The following TMEM131 variants were observed in gnomAD, a reference collection of about 807,000 sequenced individuals.
TMEM131 encodes the protein transmembrane protein 131.
In TMEM131, 66 loss-of-function variants were observed where a neutral mutation model predicts 211.6. The ratio of observed to expected loss-of-function variants is 0.31; its 90% CI spans 0.26 to 0.38. The LOEUF (loss-of-function observed/expected upper bound fraction) is 0.38, where lower values mean the gene tolerates loss of function less well. Ranked by LOEUF, TMEM131 falls within the 10% of genes least tolerant of loss-of-function variation. TMEM131 has a pLI of 1.00. For missense variants in TMEM131, 2,036 were observed against 2,299.3 expected (o/e 0.89, Z 2.34); for synonymous variants, 844 against 841.3 (o/e 1.00, Z -0.06).
chr2:97,892,675 T>C (rs572428316), intron 3 of TMEM131, among the ~76,000 whole-genome samples: 56 of 152,218 alleles, frequency 3.7e-4, no homozygotes, highest in Non-Finnish European at 1.8e-4. Context: ...ATTTTTTCTT[T>C]TATGGTATGT....
At chr2:97,763,631 A>C (rs1231424777) in intron 35 of TMEM131, 1 of 152,282 alleles carries the variant, frequency 6.6e-6, no homozygotes, top group Non-Finnish European at 1.5e-5. Context: ...AACTGTCCTG[A>C]CCCTTCCCTA....
rs773585631 is a variant in TMEM131, at chr2:97,792,974, G to A, written c.3556C>T (p.Leu1186Phe). ...CTACTGTGACCGGGGTCACAGCTGA[G>A]TGTGTTCAAGCTGAAAAAGGGACCA... is the stretch of plus-strand genomic sequence containing the variant. The part of the protein sequence containing the change: ...GISSEGNLNT[L>F]SCDPGHSRGF... The change falls in exon 31 of 41, where the codon CTC (leucine) becomes TTC (phenylalanine). Residue 1186 changes from leucine to phenylalanine, a missense_variant. Leu to Phe is a conservative substitution (Grantham distance 22, BLOSUM62 0). This residue lies in a region of TMEM131 where 1,623 missense variants were observed against 1,805.9 expected (regional missense o/e 0.90). Coordinates refer to ENST00000186436, the MANE Select transcript of TMEM131 (RefSeq NM_015348.2). 1 of 1,569,520 alleles carries A rather than the reference G, an allele frequency of 6.4e-7. No individual in the cohort carries two copies. Among genetic ancestry groups the A allele is most frequent in the South Asian group, 1.2e-5 (1 of 86,366 alleles).
intron 39 of TMEM131, 141 bp downstream of exon 39, chr2:97,759,511 G>A: frequency 1.4e-6 from 1 of 694,000 alleles, no homozygotes. Context: ...GAAGAGGGGA[G>A]GGGACCCTTC....
At chr2:97,969,366 A>G (rs1280968034) in intron 1 of TMEM131, among the ~76,000 whole-genome samples, 2 of 152,026 alleles carry the variant, frequency 1.3e-5, no homozygotes, top group African/African-American at 4.8e-5. Flanking sequence ...CAAGCTCCCC[A>G]TGTTTGGGCC....
chr2:97,992,505 T>G (rs1680311227), intron 1 of TMEM131, among the ~76,000 whole-genome samples: 1 of 152,202 alleles, frequency 6.6e-6, no homozygotes, highest in Non-Finnish European at 1.5e-5. Context: ...TAAATTGTCA[T>G]AAATTGAAAC....
At chr2:97,962,754 T>C (rs978517048) in intron 1 of TMEM131, among the ~76,000 whole-genome samples, 43 of 152,212 alleles carry the variant, frequency 2.8e-4, no homozygotes, top group African/African-American at 9.6e-4. Context: ...AAAGCTTTAA[T>C]CATAATAGCC....
chr2:97,787,518 A>G (rs1680309267), intron 31 of TMEM131, among the ~76,000 whole-genome samples: 1 of 152,120 alleles, frequency 6.6e-6, no homozygotes. Context: ...ACACTTACGG[A>G]CTTCTTCTTT....
At chr2:97,913,318 T>C (rs1268491435) in intron 2 of TMEM131, among the ~76,000 whole-genome samples, 1 of 152,248 alleles carries the variant, frequency 6.6e-6, no homozygotes, top group African/African-American at 2.4e-5. Context: ...AATTTAGATG[T>C]TCATTTGTAA....
chr2:97,936,577 T>A lies in TMEM131; in HGVS notation c.188-9090A>T, dbSNP rs897056316. On this transcript the variant is annotated intron_variant, in intron 1 of 40. Coordinates refer to ENST00000186436, the MANE Select transcript of TMEM131 (RefSeq NM_015348.2). ...AATCTCTGTTCAATCATTAGATGAC[T>A]ATGAAGCTCACCACACGGAGACTTC... is the stretch of plus-strand genomic sequence containing the variant. 1.7e-4 allele frequency among the ~76,000 whole-genome samples: 26 copies of A among 152,226 alleles called. 1 individual carries two copies. The highest frequency in any genetic ancestry group is 1.3e-4 in the Admixed American group (2 of 15,284).
At chr2:97,865,486 A>G (rs926168579) in intron 4 of TMEM131, among the ~76,000 whole-genome samples, 2 of 152,218 alleles carry the variant, frequency 1.3e-5, no homozygotes, top group Non-Finnish European at 2.9e-5. Flanking sequence ...CATTATTATC[A>G]TGAAAGGATG....
chr2:97,833,725 T>C (rs1490123813), intron 10 of TMEM131, among the ~76,000 whole-genome samples: 1 of 152,086 alleles, frequency 6.6e-6, no homozygotes. Context: ...TGGGGCATTC[T>C]TGGCTCACTG....
chr2:97,913,281 C>T (rs1217575225), intron 2 of TMEM131, among the ~76,000 whole-genome samples: 1 of 152,180 alleles, frequency 6.6e-6, no homozygotes, highest in Non-Finnish European at 1.5e-5. Context: ...CATCGTACTA[C>T]AACCTCAATT....
intron 1 of TMEM131, among the ~76,000 whole-genome samples, chr2:97,979,268 T>C (rs1473903348): frequency 1.3e-5 from 2 of 152,214 alleles, no homozygotes; most frequent in African/African-American, 4.8e-5. Flanking sequence ...GCATGACAGA[T>C]GAGCATTGGC....
intron 1 of TMEM131, among the ~76,000 whole-genome samples, chr2:97,968,271 G>A (rs1679143135): frequency 6.6e-6 from 1 of 152,074 alleles, no homozygotes; most frequent in African/African-American, 2.4e-5. Context: ...GTGACTACCA[G>A]ATAAGGGCGC....
At chr2:97,882,618 G>A (rs942984822) in intron 4 of TMEM131, among the ~76,000 whole-genome samples, 5 of 152,296 alleles carry the variant, frequency 3.3e-5, no homozygotes, top group Non-Finnish European at 5.9e-5. Flanking sequence ...GTTCCAGCCC[G>A]CTATCCTCCC....
chr2:97,843,938 T>C (rs533581133), intron 6 of TMEM131, among the ~76,000 whole-genome samples: 1 of 152,150 alleles, frequency 6.6e-6, no homozygotes, highest in East Asian at 1.9e-4. Flanking sequence ...ATTAACACTT[T>C]AGCTGTTGCT....
At chr2:97,811,019 T>C in intron 18 of TMEM131, 109 bp downstream of exon 18, 1 of 790,106 alleles carries the variant, frequency 1.3e-6, no homozygotes, top group Non-Finnish European at 2.2e-6. Context: ...GGTATGAAAC[T>C]GGTAAACTGT....
chr2:97,791,822 G>A (rs114592831), intron 31 of TMEM131, among the ~76,000 whole-genome samples: 1,983 of 152,142 alleles, frequency 0.013, 30 homozygotes, highest in Middle Eastern at 0.024. Flanking sequence ...TTTTGCAAAG[G>A]GCCAGATAGC....
Position 97,833,499 on chromosome 2 carries a change from A to C in TMEM131, c.1013-73T>G, listed in dbSNP as rs532328347. Reference sequence around the variant, plus strand: ...GCCAAGTTAGAATCTTTACCTTATAAGATATCAAATTGAAGCTATCAATTT... The same window carrying C: ...GCCAAGTTAGAATCTTTACCTTATACGATATCAAATTGAAGCTATCAATTT... On this transcript the variant is annotated intron_variant, in intron 10 of 40. Coordinates refer to ENST00000186436, the MANE Select transcript of TMEM131 (RefSeq NM_015348.2). 2.2e-5 allele frequency: 15 copies of C among 690,074 alleles called. No individual in the cohort carries two copies. In the East Asian group the frequency reaches 4.4e-4, roughly 20 times the overall value. The allele number at this position is 690,074 out of a possible 1,614,324, so 42.7% of individuals were successfully genotyped here.
Sources: allele counts gnomAD v4.1 joint callset (sites outside exome capture counted in the v4.1 genomes callset), GRCh38; gene constraint gnomAD v4.1.1; regional missense constraint gnomAD v4.1.1; transcripts MANE v1.5; gene names NCBI Gene and HGNC (gene_info 2026-07-23, HGNC 2026-07-21).